Variants in R3HDM4 observed in about 807,000 individuals in gnomAD.
R3HDM4 encodes the protein R3H domain-containing protein 4.
In R3HDM4, 30 loss-of-function variants were observed where a neutral mutation model predicts 31.3. The observed-to-expected ratio is 0.96, with a 90% CI of 0.72 to 1.30. The LOEUF (loss-of-function observed/expected upper bound fraction) is 1.30. Among genes scored for constraint, R3HDM4 ranks in the 50% most tolerant of loss-of-function variants. The pLI is 0.00. For synonymous variants in R3HDM4, 196 were observed against 156.6 expected (o/e 1.25, Z -1.88); for missense variants, 444 against 366.1 (o/e 1.21, Z -1.74).
At chr19:909,795 C>G (rs1195270148) in intron 1 of R3HDM4, among the ~76,000 whole-genome samples, 1 of 151,952 alleles carries the variant, frequency 6.6e-6, no homozygotes, top group African/African-American at 2.4e-5. Flanking sequence ...GAACCTGTCC[C>G]CCCAACCCCC....
intron 4 of R3HDM4, 59 bp downstream of exon 4, chr19:900,770 A>T: frequency 1.1e-5 from 1 of 87,382 alleles, no homozygotes; most frequent in Non-Finnish European, 1.6e-5. Context: ...CACCCACCCC[A>T]GGCCACGCCC....
rs2036921286 is a variant in R3HDM4, at chr19:907,484, C to T, written c.72-5354G>A. Among the ~76,000 whole-genome samples, 2 of 152,152 alleles carry T rather than the reference C, an allele frequency of 1.3e-5. No individual in the cohort carries two copies. Among genetic ancestry groups the T allele is most frequent in the Admixed American group, 1.3e-4 (2 of 15,282 alleles). On this transcript the variant is annotated intron_variant, in intron 1 of 7. Coordinates refer to ENST00000361574, the MANE Select transcript of R3HDM4 (RefSeq NM_138774.4). This position sits in a 1 kb window ranked among gnomAD's most constrained non-coding sequence, Gnocchi z 4.1. Reference sequence around the variant, plus strand: ...GCTCGGTGACACAGCTCAAGCCCTCCCAGCAAGGGGCCTGGTATCACCCCA... The same window carrying T: ...GCTCGGTGACACAGCTCAAGCCCTCTCAGCAAGGGGCCTGGTATCACCCCA...
intron 1 of R3HDM4, among the ~76,000 whole-genome samples, chr19:910,284 T>G (rs551649025): frequency 6.6e-6 from 1 of 151,304 alleles, no homozygotes; most frequent in Non-Finnish European, 1.5e-5. Context: ...GAGATCGCAC[T>G]ACTGTACTCC....
Position 900,353 on chromosome 19 carries a change from C to T in R3HDM4, c.476-207G>A, listed in dbSNP as rs543115291. On this transcript the variant is annotated intron_variant, in intron 4 of 7. Coordinates refer to ENST00000361574, the MANE Select transcript of R3HDM4 (RefSeq NM_138774.4). ...CCCTGACCCCAACCCATCCAGCTGACCCTACCCTCACCTGTATGTTCACCC... is the reference window on the plus strand; with the variant it reads ...CCCTGACCCCAACCCATCCAGCTGATCCTACCCTCACCTGTATGTTCACCC... Among the ~76,000 whole-genome samples, 7 of 151,862 alleles carry T rather than the reference C, an allele frequency of 4.6e-5. No homozygotes were observed. In the South Asian group the frequency reaches 1.5e-3, roughly 32 times the overall value.
chr19:902,441 A>C (rs1385147549), intron 1 of R3HDM4: 4 of 206,836 alleles, frequency 1.9e-5, no homozygotes, highest in Admixed American at 1.6e-4. Context: ...AAGACTATGA[A>C]AAAAAAAAAA....
chr19:898,321 C>A (rs2036770365), intron 7 of R3HDM4, among the ~76,000 whole-genome samples: 1 of 147,842 alleles, frequency 6.8e-6, no homozygotes, highest in Non-Finnish European at 1.5e-5. Flanking sequence ...AGGAGAATGG[C>A]GTGAACCCGG....
At chr19:911,629 C>T (rs1446089162) in intron 1 of R3HDM4, among the ~76,000 whole-genome samples, 2 of 152,216 alleles carry the variant, frequency 1.3e-5, no homozygotes, top group Non-Finnish European at 2.9e-5. Flanking sequence ...CATGAAATAA[C>T]CTGCCCAGGT....
At chr19:901,039 A>G in intron 3 of R3HDM4, 87 bp from the exon 4 acceptor site, 1 of 1,452,784 alleles carries the variant, frequency 6.9e-7, no homozygotes, top group Non-Finnish European at 9.2e-7. Flanking sequence ...TAAGGCCGCC[A>G]AGCACGTGGA....
chr19:900,808 C>A (rs754748100), intron 4 of R3HDM4, 21 bp downstream of exon 4: 3 of 1,446,384 alleles, frequency 2.1e-6, no homozygotes, highest in Middle Eastern at 2.5e-4. Context: ...CCACCCATAC[C>A]CGCCCCAGCC....
In R3HDM4 at chr19:902,141, G is replaced by C. The variant is rs771534440; in HGVS notation, c.72-11C>G. 6.2e-7 allele frequency: 1 copy of C among 1,611,514 alleles called. No individual in the cohort carries two copies. Among genetic ancestry groups the C allele is most frequent in the Non-Finnish European group, 8.5e-7 (1 of 1,179,826 alleles). On this transcript the variant is annotated splice_polypyrimidine_tract_variant and intron_variant, in intron 1 of 7. Transcript: ENST00000361574. ...CAGCTGGGAAGGGGCCTGTGGGCCGGGGCAGGGGTGGTCCTCAGGGTCAAG... is the reference window on the plus strand; with the variant it reads ...CAGCTGGGAAGGGGCCTGTGGGCCGCGGCAGGGGTGGTCCTCAGGGTCAAG...
rs1026463554 is a variant in R3HDM4, at chr19:907,863, G to A, written c.71+5224C>T. ...AGTGCTGAGCTGAGCACTGGAAATCGAGTCCCACCATCAGATGGAGCTGGC... is the reference window on the plus strand; with the variant it reads ...AGTGCTGAGCTGAGCACTGGAAATCAAGTCCCACCATCAGATGGAGCTGGC... On this transcript the variant is annotated intron_variant, in intron 1 of 7. Coordinates refer to ENST00000361574, the MANE Select transcript of R3HDM4 (RefSeq NM_138774.4). The surrounding 1 kb of genome is among the most constrained non-coding windows in gnomAD (Gnocchi z 4.1). Among the ~76,000 whole-genome samples, 2 of 152,128 alleles carry A rather than the reference G, an allele frequency of 1.3e-5. No individual in the cohort carries two copies. The highest frequency in any genetic ancestry group is 2.1e-4 in the South Asian group (1 of 4,824).
At chr19:897,913 G>C (rs1234025517) in intron 7 of R3HDM4, among the ~76,000 whole-genome samples, 1 of 152,178 alleles carries the variant, frequency 6.6e-6, no homozygotes, top group African/African-American at 2.4e-5. Context: ...GAGGCACCCA[G>C]GTCCTGAGTG....
intron 1 of R3HDM4, among the ~76,000 whole-genome samples, chr19:904,278 A>G (rs947386909): frequency 6.6e-6 from 1 of 152,098 alleles, no homozygotes; most frequent in Non-Finnish European, 1.5e-5. Flanking sequence ...GGACCTTCGC[A>G]CAGGCGGCTC....
At chr19:910,822 C>A (rs1404712574) in intron 1 of R3HDM4, among the ~76,000 whole-genome samples, 1 of 151,416 alleles carries the variant, frequency 6.6e-6, no homozygotes, top group Admixed American at 6.6e-5. Flanking sequence ...AATAAATGAT[C>A]ATTTAAAAAT....
In R3HDM4 at chr19:897,558, G is replaced by C. The variant is rs544346803; in HGVS notation, c.704-18C>G. 2 of 1,594,106 alleles carry C rather than the reference G, an allele frequency of 1.3e-6. No homozygotes were observed. The highest frequency in any genetic ancestry group is 1.1e-5 in the South Asian group (1 of 89,128). On this transcript the variant is annotated intron_variant, in intron 7 of 7. Transcript: ENST00000361574. ...GTCAGCACCTGCAGACGGGACCAGC[G>C]GGGCAAGAACGGGAGGAATTTGGGA...
chr19:899,431 G>A lies in R3HDM4; in HGVS notation c.703+9C>T, dbSNP rs780896669. 6.3e-5 allele frequency: 102 copies of A among 1,613,024 alleles called. No individual in the cohort carries two copies. Among genetic ancestry groups the A allele is most frequent in the African/African-American group, 1.6e-4 (12 of 74,874 alleles). The stretch of plus-strand genomic sequence containing the variant: ...CCAACTTGGGGTCTTGGGGGCCACC[G>A]GCACTTACTGGCCGAGATGAGGTCC... On this transcript the variant is annotated intron_variant, in intron 7 of 7. Transcript: ENST00000361574. This position sits in a 1 kb window ranked among gnomAD's most constrained non-coding sequence, Gnocchi z 6.8.
chr19:897,828 G>A (rs891386377), intron 7 of R3HDM4, among the ~76,000 whole-genome samples: 5 of 152,218 alleles, frequency 3.3e-5, no homozygotes, highest in Non-Finnish European at 7.3e-5. Flanking sequence ...GCCTGAGGCC[G>A]CATGGCCACT....
intron 1 of R3HDM4, among the ~76,000 whole-genome samples, chr19:908,635 A>T (rs1221202500): frequency 1.3e-5 from 2 of 152,086 alleles, no homozygotes; most frequent in East Asian, 3.9e-4. Flanking sequence ...AATAAAAAAT[A>T]AAAAAATCCC....
rs1415196569 is a variant in R3HDM4 at position 901,998 on chromosome 19, C to G, written c.204G>C (p.Lys68Asn). Residue 68 changes from lysine to asparagine, a missense_variant, in exon 2 of 8, where the codon AAG (lysine) becomes AAC (asparagine). Transcript: ENST00000361574. ...SDLVPKAKGR[K>N]SLQRLENTQY... ...CACTGTTCTCCAGGCGCTGGAGGCT[C>G]TTCCGCCCCTTGGCCTTGGGCACGA... 1 of 1,613,836 alleles carries G rather than the reference C, an allele frequency of 6.2e-7. No individual in the cohort carries two copies. Among genetic ancestry groups the G allele is most frequent in the Admixed American group, 1.7e-5 (1 of 60,032 alleles).
Sources: allele counts gnomAD v4.1 joint callset (sites outside exome capture counted in the v4.1 genomes callset), GRCh38; gene constraint gnomAD v4.1.1; non-coding constraint Gnocchi (gnomAD v3.1); transcripts MANE v1.5; gene names NCBI Gene and HGNC (gene_info 2026-07-23, HGNC 2026-07-21).